Variants in WDFY3 observed in about 807,000 individuals in gnomAD.
The protein encoded by WDFY3 is WD repeat and FYVE domain containing 3, also known as WD repeat and FYVE domain-containing protein 3.
WDFY3 carries 66 observed loss-of-function variants against 409.6 expected under a neutral mutation model. The ratio of observed to expected loss-of-function variants is 0.16; its 90% confidence interval spans 0.13 to 0.20. The LOEUF (loss-of-function observed/expected upper bound fraction) is 0.20, where lower values mean the gene tolerates loss of function less well. WDFY3 is among the 10% of genes least tolerant of loss of function. The pLI is 1.00. For missense variants in WDFY3, 3,031 were observed against 4,298.1 expected (o/e 0.71, Z 8.24); for synonymous variants, 1,521 against 1,537.1 (o/e 0.99, Z 0.25).
chr4:84,755,321 A>G lies in WDFY3; in HGVS notation c.5504T>C (p.Val1835Ala). Residue 1835 changes from valine to alanine, a missense_variant, in exon 34 of 68, where the codon GTA becomes GCA. Val to Ala is a moderately conservative substitution (Grantham distance 64). This residue lies in a region of WDFY3 where 342 missense variants were observed against 463.7 expected (regional missense o/e 0.74). Coordinates refer to ENST00000295888, the MANE Select transcript of WDFY3 (RefSeq NM_014991.6). ...TAATAAAAAAACAGCTTCTGTGCAT[A>G]CGTTATGGATAGAAGAGACCACAGT... ...SGTVVSSIHN[V>A]CTEAVFLLLG... 1 of 1,613,094 alleles carries G rather than the reference A, an allele frequency of 6.2e-7. No homozygotes were observed. The highest frequency in any genetic ancestry group is 8.5e-7 in the Non-Finnish European group (1 of 1,179,806).
At chr4:84,870,872 T>C (rs1398693435) in intron 3 of WDFY3, among the ~76,000 whole-genome samples, 1 of 146,544 alleles carries the variant, frequency 6.8e-6, no homozygotes, top group Non-Finnish European at 1.5e-5. Flanking sequence ...ACTTTCACCA[T>C]ACCAACAGGG....
At position 84,831,439 on chromosome 4, in the gene WDFY3, C is replaced by T. The variant is rs1340830716; in HGVS notation, c.743G>A (p.Ser248Asn). 4 of 1,613,080 alleles carry T rather than the reference C, an allele frequency of 2.5e-6. No individual in the cohort carries two copies. Among genetic ancestry groups the T allele is most frequent in the South Asian group, 1.1e-5 (1 of 90,920 alleles). Residue 248 changes from serine (S) to asparagine (N), a missense_variant, in exon 8 of 68, where the codon AGT becomes AAT. Ser to Asn is a conservative substitution (Grantham distance 46). Transcript: ENST00000295888. The part of the protein sequence containing the change: ...VLMTISRHGL[S>N]VNVVKYIHEK... ...ATGAATATACTTCACTACATTGACA[C>T]TAAGACCATGACGAGATATGGTCAT...
intron 1 of WDFY3, among the ~76,000 whole-genome samples, chr4:84,935,192 A>G (rs551360559): frequency 3.5e-4 from 53 of 152,310 alleles, no homozygotes; most frequent in African/African-American, 1.3e-3. Context: ...AAGTTCTGAC[A>G]TGTGTCATGT....
intron 8 of WDFY3, among the ~76,000 whole-genome samples, chr4:84,829,739 A>G (rs1755394995): frequency 6.6e-6 from 1 of 151,534 alleles, no homozygotes; most frequent in Admixed American, 6.6e-5. Flanking sequence ...CCCGGGAGGC[A>G]GAGATTGCAG....
At chr4:84,738,556 A>G (rs1282944239) in intron 40 of WDFY3, among the ~76,000 whole-genome samples, 1 of 151,672 alleles carries the variant, frequency 6.6e-6, no homozygotes, top group African/African-American at 2.4e-5. Context: ...GAGCTGAAAT[A>G]GTGCCACTGC....
intron 49 of WDFY3, 71 bp from the exon 50 acceptor site, chr4:84,715,454 C>G: frequency 1.1e-6 from 1 of 930,070 alleles, no homozygotes. Flanking sequence ...ATTAACTTTT[C>G]CACTATAAAT....
chr4:84,811,107 C>T (rs1285972469), intron 13 of WDFY3, among the ~76,000 whole-genome samples: 4 of 152,108 alleles, frequency 2.6e-5, no homozygotes, highest in African/African-American at 7.2e-5. Flanking sequence ...AAGCAATTCT[C>T]GTGCCTCAGC....
chr4:84,868,458 A>C (rs1399803176), intron 3 of WDFY3, among the ~76,000 whole-genome samples: 2 of 152,212 alleles, frequency 1.3e-5, no homozygotes, highest in Admixed American at 1.3e-4. Context: ...CTGAAGCATT[A>C]AGTTTTCTGT....
At chr4:84,766,466 CTT>C in intron 30 of WDFY3, 94 bp from the exon 31 acceptor site, 1 of 1,260,766 alleles carries the variant, frequency 7.9e-7, no homozygotes, top group Non-Finnish European at 1.1e-6. Context: ...AAAAATATAT[CTT>C]TTAGAAAACA....
At chr4:84,681,019 T>G (rs953125587) in intron 64 of WDFY3, among the ~76,000 whole-genome samples, 1 of 152,192 alleles carries the variant, frequency 6.6e-6, no homozygotes, top group Non-Finnish European at 1.5e-5. Flanking sequence ...AATGAAGTTT[T>G]CACCCCAACG....
intron 50 of WDFY3, among the ~76,000 whole-genome samples, chr4:84,714,029 T>C (rs1170594826): frequency 1.3e-5 from 2 of 151,714 alleles, no homozygotes; most frequent in Non-Finnish European, 2.9e-5. Context: ...GGCAGGAAAA[T>C]TGCTTGAACC....
intron 64 of WDFY3, among the ~76,000 whole-genome samples, chr4:84,681,482 A>T (rs1727339353): frequency 6.6e-6 from 1 of 152,224 alleles, no homozygotes; most frequent in South Asian, 2.1e-4. Flanking sequence ...TAACACCAAC[A>T]TTAAAATGTC....
chr4:84,886,255 A>G (rs1322196183), intron 3 of WDFY3: 1 of 152,112 alleles, frequency 6.6e-6, no homozygotes, highest in African/African-American at 2.4e-5. Context: ...TCAACCCTAA[A>G]AATCACTGTT....
intron 3 of WDFY3, among the ~76,000 whole-genome samples, chr4:84,885,630 G>A (rs1764116967): frequency 6.6e-6 from 1 of 152,016 alleles, no homozygotes; most frequent in Admixed American, 6.6e-5. Flanking sequence ...TATGAACAAG[G>A]AATCTGGAAG....
intron 61 of WDFY3, among the ~76,000 whole-genome samples, chr4:84,688,776 CA>C (rs1022388899): frequency 4.3e-4 from 66 of 152,202 alleles, no homozygotes; most frequent in African/African-American, 1.4e-3. Context: ...CTACAATAGA[CA>C]AAGCGAGAAT....
chr4:84,899,039 T>C (rs1206694510), intron 2 of WDFY3, among the ~76,000 whole-genome samples: 2 of 152,184 alleles, frequency 1.3e-5, no homozygotes, highest in South Asian at 2.1e-4. Flanking sequence ...GTGTGATGAG[T>C]ATAGAGTATA....
chr4:84,939,002 A>G (rs1174254925), intron 1 of WDFY3, among the ~76,000 whole-genome samples: 1 of 152,090 alleles, frequency 6.6e-6, no homozygotes, highest in Non-Finnish European at 1.5e-5. Context: ...CCAATATTCT[A>G]ATTTTTCAAT....
intron 21 of WDFY3, among the ~76,000 whole-genome samples, chr4:84,793,177 T>C (rs1324501539): frequency 6.6e-6 from 1 of 152,208 alleles, no homozygotes; most frequent in Non-Finnish European, 1.5e-5. Context: ...GAAAGAGATG[T>C]AGGTTTTTTG....
In WDFY3 at chr4:84,817,422, C is replaced by T. The variant is rs749054351; in HGVS notation, c.1857G>A (p.Thr619=). Reference sequence around the variant, plus strand: ...AAATATCAGTCTTCAACTGCAATTCCGTCGGTGGGGCTGAATGCATTAGCC... The same window carrying T: ...AAATATCAGTCTTCAACTGCAATTCTGTCGGTGGGGCTGAATGCATTAGCC... ...LLGLMHSAPP[T]ELQLKTDILR... is the part of the protein sequence containing the mutation. The change falls in exon 13 of 68, where the codon ACG becomes ACA. Residue 619 remains threonine (T), a synonymous_variant. Transcript: ENST00000295888. The T allele has an allele frequency of 1.1e-4, 181 of 1,613,480 alleles. No homozygotes were observed. Among genetic ancestry groups the T allele is most frequent in the Non-Finnish European group, 1.4e-4 (164 of 1,179,718 alleles).
Sources: allele counts gnomAD v4.1 joint callset (sites outside exome capture counted in the v4.1 genomes callset), GRCh38; gene constraint gnomAD v4.1.1; regional missense constraint gnomAD v4.1.1; transcripts MANE v1.5; gene names NCBI Gene and HGNC (gene_info 2026-07-23, HGNC 2026-07-21).